DNAJC11: variants seen among roughly 807,000 people sequenced by gnomAD.
The protein encoded by DNAJC11 is dnaJ homolog subfamily C member 11.
DNAJC11 carries 15 observed loss-of-function variants against 78.6 expected under a neutral mutation model. The observed-to-expected ratio is 0.19, with a 90% confidence interval of 0.13 to 0.29. The LOEUF (loss-of-function observed/expected upper bound fraction) is 0.29, where lower values mean the gene tolerates loss of function less well. DNAJC11 is among the 10% of genes least tolerant of loss of function. The probability of loss-of-function intolerance (pLI) is 1.00; values close to 1 mark genes in which losing one functional copy is unlikely to be tolerated. For missense variants in DNAJC11, 547 were observed against 709.6 expected, an observed-to-expected ratio of 0.77 and a Z score of 2.60; for synonymous variants, 292 against 272.1, an observed-to-expected ratio of 1.07 and a Z score of -0.72.
intron 6 of DNAJC11, among the ~76,000 whole-genome samples, chr1:6,652,444 T>A (rs1415160944): frequency 6.6e-6 from 1 of 152,158 alleles, no homozygotes; most frequent in Non-Finnish European, 1.5e-5. Context: ...ATTTATTTAT[T>A]TTTGAGACGG....
At chr1:6,701,127 G>A (rs968848239) in intron 1 of DNAJC11, among the ~76,000 whole-genome samples, 3 of 152,148 alleles carry the variant, frequency 2.0e-5, no homozygotes, top group Non-Finnish European at 4.4e-5. Context: ...CCGAGCCGAG[G>A]GTCTGTGTCC....
intron 14 of DNAJC11, 116 bp downstream of exon 14, chr1:6,637,082 T>C: frequency 1.5e-6 from 2 of 1,374,684 alleles, no homozygotes; most frequent in Non-Finnish European, 2.0e-6. Flanking sequence ...ACTCCTGGGC[T>C]CAAGCAATCC....
At chr1:6,659,618 C>T (rs528301307) in intron 4 of DNAJC11, among the ~76,000 whole-genome samples, 45 of 152,100 alleles carry the variant, frequency 3.0e-4, no homozygotes, top group African/African-American at 1.0e-3. Flanking sequence ...AAACATGAGC[C>T]GGGCATGGTG....
Position 6,636,099 on chromosome 1 carries a change from G to A in DNAJC11, c.1654+18C>T, listed in dbSNP as rs147404991. 20 of 1,610,314 alleles carry A rather than the reference G, an allele frequency of 1.2e-5. No homozygotes were observed. The highest frequency in any genetic ancestry group is 6.7e-5 in the East Asian group (3 of 44,832). On this transcript the variant is annotated intron_variant, in intron 15 of 15. Transcript: ENST00000377577. ...CCCGCCCCCGTTAGCTGGTGACTGC[G>A]AAGGGACGGCTACTCACACTGCTTT...
Position 6,644,712 on chromosome 1 carries a change from A to C in DNAJC11, c.981-38T>G, listed in dbSNP as rs780642389. ...AACGCGGTCTGTGCCTGTGCCCCTC[A>C]TTCATCACTTCAGGGGCAGCTGTCA... On this transcript the variant is annotated intron_variant, in intron 9 of 15. Transcript: ENST00000377577. The C allele has an allele frequency of 1.5e-5, 24 of 1,550,888 alleles. No homozygotes were observed. In the South Asian group the frequency reaches 2.2e-4, roughly 14 times the overall value.
In DNAJC11 at chr1:6,645,773, T is replaced by C. The variant is rs762238934; in HGVS notation, c.894+16A>G. 2.5e-6 allele frequency: 4 copies of C among 1,612,438 alleles called. No homozygotes were observed. Among genetic ancestry groups the C allele is most frequent in the Non-Finnish European group, 3.4e-6 (4 of 1,178,706 alleles). Reference sequence around the variant, plus strand: ...CCAGAGCTCTGTCTGCAGGAGATGATGGCTGCTCGGCTCACCTGCAGGGCC... The same window carrying C: ...CCAGAGCTCTGTCTGCAGGAGATGACGGCTGCTCGGCTCACCTGCAGGGCC... On this transcript the variant is annotated intron_variant, in intron 8 of 15. Transcript: ENST00000377577. This position sits in a 1 kb window ranked among gnomAD's most constrained non-coding sequence, Gnocchi z 4.1.
At chr1:6,642,084 G>A (rs1449492031) in intron 10 of DNAJC11, among the ~76,000 whole-genome samples, 3 of 152,124 alleles carry the variant, frequency 2.0e-5, no homozygotes, top group Non-Finnish European at 4.4e-5. Context: ...AATAGCAAAG[G>A]CCACCTCATA....
At chr1:6,657,498 C>A (rs1237697447) in intron 4 of DNAJC11, among the ~76,000 whole-genome samples, 1 of 152,188 alleles carries the variant, frequency 6.6e-6, no homozygotes, top group African/African-American at 2.4e-5. Flanking sequence ...CCCAGCCAAT[C>A]CACAGAACTG....
intron 7 of DNAJC11, among the ~76,000 whole-genome samples, chr1:6,649,075 C>G (rs1183921701): frequency 6.6e-6 from 1 of 152,144 alleles, no homozygotes; most frequent in Non-Finnish European, 1.5e-5. Flanking sequence ...TCATTGCAGC[C>G]TCAACCTCCC....
chr1:6,682,851 G>A (rs1340307075), intron 1 of DNAJC11, among the ~76,000 whole-genome samples: 2 of 152,122 alleles, frequency 1.3e-5, no homozygotes, highest in Non-Finnish European at 2.9e-5. Context: ...CTAAGCCTGG[G>A]GAGGCTGAGG....
chr1:6,693,706 A>G (rs1015361736), intron 1 of DNAJC11, among the ~76,000 whole-genome samples: 1 of 151,848 alleles, frequency 6.6e-6, no homozygotes, highest in Admixed American at 6.6e-5. Flanking sequence ...ATTTTTATAG[A>G]CGGAGTCTCG....
rs1557471536 is a variant in DNAJC11, at chr1:6,651,721, C to A, written c.631-119G>T. ...ATTCAATTCACTGGTCTTGCCAGGG[C>A]TCTAAAAGAAGGGGGTGGAAGATTG... On this transcript the variant is annotated intron_variant, in intron 6 of 15. Coordinates refer to ENST00000377577, the MANE Select transcript of DNAJC11 (RefSeq NM_018198.4). 1.1e-5 allele frequency: 8 copies of A among 751,642 alleles called. No homozygotes were observed. The South Asian group carries it at 1.2e-4, about 11-fold the overall frequency. The allele number at this position is 751,642 out of a possible 1,614,324, so 46.6% of individuals were successfully genotyped here.
At chr1:6,667,494 A>G (rs1042250017) in intron 4 of DNAJC11, among the ~76,000 whole-genome samples, 13 of 152,122 alleles carry the variant, frequency 8.5e-5, no homozygotes, top group Non-Finnish European at 1.8e-4. Flanking sequence ...ACATGGTACA[A>G]AACCTCCTGG....
chr1:6,701,368 G>A (rs1031753754), intron 1 of DNAJC11, among the ~76,000 whole-genome samples: 34 of 152,182 alleles, frequency 2.2e-4, no homozygotes, highest in Non-Finnish European at 5.9e-5. Flanking sequence ...GCCAGGACGA[G>A]TATGTGGGCT....
rs1258130898 is a variant in DNAJC11 at position 6,681,014 on chromosome 1, A to G, written c.96T>C (p.Ala32=). Residue 32 remains alanine (A), a synonymous_variant, in exon 2 of 16, where the codon GCT becomes GCC. Transcript: ENST00000377577. ...AGAGCATACAGAGCCTCCGGTAGGC[A>G]GCTTTCAGCTCTTCAGAAGAGGCCT... ...RREASSEELK[A]AYRRLCMLYH... is the part of the protein sequence containing the mutation. 3.1e-6 allele frequency: 5 copies of G among 1,613,442 alleles called. No individual in the cohort carries two copies. In the Admixed American group the frequency reaches 6.7e-5, roughly 22 times the overall value.
chr1:6,661,239 TCCA>T (rs1642207741), intron 4 of DNAJC11, among the ~76,000 whole-genome samples: 1 of 152,186 alleles, frequency 6.6e-6, no homozygotes, highest in African/African-American at 2.4e-5. Context: ...AACTGAAAAT[TCCA>T]CCAAAAGAGG....
In DNAJC11 at chr1:6,652,852, T is replaced by C. The variant is rs1246504078; in HGVS notation, c.607A>G (p.Thr203Ala). Reference protein sequence around the residue: ...GSINFALRRVTSAKGWGELEF... With the variant: ...GSINFALRRVASAKGWGELEF... ...ACCTCTCCCCATCCCTTTGCCGAAG[T>C]TACTCGTCTGAGCGCAAAGTTAATG... Residue 203 changes from threonine to alanine, a missense_variant, in exon 6 of 16, where the codon ACT becomes GCT. Coordinates refer to ENST00000377577, the MANE Select transcript of DNAJC11 (RefSeq NM_018198.4). 1 of 1,614,212 alleles carries C rather than the reference T, an allele frequency of 6.2e-7. No individual in the cohort carries two copies. The highest frequency in any genetic ancestry group is 1.1e-5 in the South Asian group (1 of 91,086).
In DNAJC11 at chr1:6,645,753, G is replaced by A. The variant is rs777727183; in HGVS notation, c.894+36C>T. Reference sequence around the variant, plus strand: ...GCTTGGGAGGAGGGGTCCTCCCAGAGCTCTGTCTGCAGGAGATGATGGCTG... The same window carrying A: ...GCTTGGGAGGAGGGGTCCTCCCAGAACTCTGTCTGCAGGAGATGATGGCTG... On this transcript the variant is annotated intron_variant, in intron 8 of 15. Transcript: ENST00000377577. The surrounding 1 kb of genome is among the most constrained non-coding windows in gnomAD (Gnocchi z 4.1). 6 of 1,607,502 alleles carry A rather than the reference G, an allele frequency of 3.7e-6. No homozygotes were observed. The highest frequency in any genetic ancestry group is 1.7e-5 in the Admixed American group (1 of 59,918).
intron 1 of DNAJC11, 141 bp downstream of exon 1, chr1:6,701,588 C>T: frequency 3.8e-6 from 3 of 793,614 alleles, no homozygotes; most frequent in Non-Finnish European, 5.4e-6. Flanking sequence ...GGGCGGCTGG[C>T]GTGCACGTCG....
Sources: gnomAD v4.1 joint callset for allele counts (sites outside exome capture counted in the v4.1 genomes callset) on GRCh38, gnomAD v4.1.1 for gene constraint, Gnocchi (gnomAD v3.1) non-coding constraint, MANE v1.5 for transcripts, NCBI Gene and HGNC (gene_info 2026-07-23, HGNC 2026-07-21) for gene names.